The following MRPL30 variants were observed in gnomAD, a reference collection of about 807,000 sequenced individuals.
MRPL30 encodes large ribosomal subunit protein uL30m.
In MRPL30, 10 loss-of-function variants were observed where a neutral mutation model predicts 17.2. That is an observed-to-expected ratio of 0.58 (90% CI 0.36 to 0.99). The LOEUF is 0.99. Among genes scored for constraint, MRPL30 ranks in the 50% least tolerant of loss-of-function variants. The probability of loss-of-function intolerance (pLI) is 0.01; values close to 1 mark genes in which losing one functional copy is unlikely to be tolerated. For missense variants in MRPL30, 170 were observed against 189.8 expected (o/e 0.90, Z 0.61); for synonymous variants, 61 against 62.1 (o/e 0.98, Z 0.08).
chr2:99,189,543 G>A (rs1170845767), intron 3 of MRPL30, among the ~76,000 whole-genome samples: 1 of 152,104 alleles, frequency 6.6e-6, no homozygotes, highest in East Asian at 1.9e-4. Flanking sequence ...TTCATCTATG[G>A]AAAAACATCT....
At chr2:99,185,747 G>A in intron 1 of MRPL30, 1 of 443,546 alleles carries the variant, frequency 2.3e-6, no homozygotes, top group South Asian at 1.6e-5. Context: ...ACTTGGATAA[G>A]TTATTGAACT....
intron 1 of MRPL30, among the ~76,000 whole-genome samples, chr2:99,182,596 A>G (rs1239054233): frequency 9.8e-5 from 15 of 152,344 alleles, no homozygotes; most frequent in African/African-American, 3.6e-4. Flanking sequence ...CTTTGAGTCA[A>G]ACGTGGTGAC....
intron 1 of MRPL30, 137 bp from the exon 2 acceptor site, chr2:99,186,040 T>C: frequency 1.7e-6 from 1 of 602,748 alleles, no homozygotes; most frequent in South Asian, 2.2e-5. Context: ...CGTGCCCTTA[T>C]TATATTAAAA....
chr2:99,195,750 A>G lies in MRPL30; in HGVS notation c.*45A>G, dbSNP rs753925410. ...TGGAAAATGCAAATTGTTTTTATTT[A>G]AAGATGGTGAGAAAGTGTTTTCATT... On this transcript the variant is annotated 3_prime_UTR_variant, in exon 6 of 6. Transcript: ENST00000338148. 32 of 1,605,708 alleles carry G rather than the reference A, an allele frequency of 2.0e-5. No individual in the cohort carries two copies. The highest frequency in any genetic ancestry group is 2.5e-5 in the Non-Finnish European group (29 of 1,178,224).
At chr2:99,185,882 C>A (rs2093933047) in intron 1 of MRPL30, 1 of 428,476 alleles carries the variant, frequency 2.3e-6, no homozygotes, top group Non-Finnish European at 4.5e-6. Context: ...GCAAAGCATT[C>A]TTTATCTGCC....
In MRPL30 at chr2:99,191,560, A is replaced by T. The variant is rs1385680976; in HGVS notation, c.133-3191A>T. Among the ~76,000 whole-genome samples the T allele has an allele frequency of 2.6e-5, 4 of 152,170 alleles. No homozygotes were observed. In the East Asian group the frequency reaches 7.7e-4, roughly 29 times the overall value. Reference sequence around the variant, plus strand: ...GCTCAGCCTCCCTCTTCTTCACCCAACACAAATCCATCTATATTACTGCCC... The same window carrying T: ...GCTCAGCCTCCCTCTTCTTCACCCATCACAAATCCATCTATATTACTGCCC... On this transcript the variant is annotated intron_variant, in intron 3 of 5. Coordinates refer to ENST00000338148, the MANE Select transcript of MRPL30 (RefSeq NM_145212.4).
rs2093959494 is a variant in MRPL30, at chr2:99,199,103, C to T, written c.*3398C>T. ...TACCTTAAAATGAAAAGCAAAGAAACTTCCATGCGGAGATTGTCTTGTTTT... is the reference window on the plus strand; with the variant it reads ...TACCTTAAAATGAAAAGCAAAGAAATTTCCATGCGGAGATTGTCTTGTTTT... On this transcript the variant is annotated 3_prime_UTR_variant, in exon 6 of 6. Coordinates refer to ENST00000338148, the MANE Select transcript of MRPL30 (RefSeq NM_145212.4). 6.6e-6 allele frequency among the ~76,000 whole-genome samples: 1 copy of T among 152,138 alleles called. No individual in the cohort carries two copies. Among genetic ancestry groups the T allele is most frequent in the South Asian group, 2.1e-4 (1 of 4,834 alleles).
chr2:99,181,783 C>A (rs2093922763), intron 1 of MRPL30, among the ~76,000 whole-genome samples: 1 of 152,042 alleles, frequency 6.6e-6, no homozygotes, highest in South Asian at 2.1e-4. Context: ...TGCCAAGAGG[C>A]AGTAATGAGG....
chr2:99,181,250 G>T lies in MRPL30; in HGVS notation c.-28+1G>T. 2.3e-6 allele frequency: 1 copy of T among 429,206 alleles called. No homozygotes were observed. The highest frequency in any genetic ancestry group is 4.2e-6 in the Non-Finnish European group (1 of 237,820). 26.6% of individuals were successfully genotyped at this position (429,206 alleles called of 1,614,324 possible). ...CAGGCTGAAGGTTTAGCGGGTGCCG[G>T]TGAGTGGGGAATGAGTGGCGGAGAG... On this transcript the variant is annotated splice_donor_variant, in intron 1 of 5. Transcript: ENST00000338148. LOFTEE classifies it low-confidence loss of function (5UTR_SPLICE).
chr2:99,198,218 G>A lies in MRPL30; in HGVS notation c.*2513G>A, dbSNP rs1400624685. Among the ~76,000 whole-genome samples, 1 of 152,194 alleles carries A rather than the reference G, an allele frequency of 6.6e-6. No individual in the cohort carries two copies. The highest frequency in any genetic ancestry group is 1.5e-5 in the Non-Finnish European group (1 of 68,044). On this transcript the variant is annotated 3_prime_UTR_variant, in exon 6 of 6. Coordinates refer to ENST00000338148, the MANE Select transcript of MRPL30 (RefSeq NM_145212.4). ...CTGCTTAAAACAACACACACTTATT[G>A]TCTCACAATGTTTGTGGGTCGGAAG...
intron 2 of MRPL30, 36 bp downstream of exon 2, chr2:99,186,290 C>A: frequency 6.3e-7 from 1 of 1,590,374 alleles, no homozygotes; most frequent in Non-Finnish European, 8.6e-7. Flanking sequence ...TCTTTTCTAC[C>A]CCTTATGAAT....
rs2093958707 is a variant in MRPL30 at position 99,198,588 on chromosome 2, G to A, written c.*2883G>A. Among the ~76,000 whole-genome samples the A allele has an allele frequency of 6.6e-6, 1 of 152,178 alleles. No homozygotes were observed. The highest frequency in any genetic ancestry group is 1.9e-4 in the East Asian group (1 of 5,194). On this transcript the variant is annotated 3_prime_UTR_variant, in exon 6 of 6. Transcript: ENST00000338148. ...GGAATTACACAGAAGTGTGACCACA[G>A]GAGGCAGGGCTCATGGAGGCCTCCT...
chr2:99,193,241 C>G (rs1209360286), intron 3 of MRPL30, among the ~76,000 whole-genome samples: 1 of 152,164 alleles, frequency 6.6e-6, no homozygotes, highest in Admixed American at 6.5e-5. Flanking sequence ...CATCACTGAT[C>G]ATTAGAGAAA....
chr2:99,193,293 A>G (rs2093949969), intron 3 of MRPL30, among the ~76,000 whole-genome samples: 1 of 152,252 alleles, frequency 6.6e-6, no homozygotes, highest in South Asian at 2.1e-4. Context: ...CATGCCAGTC[A>G]GAGTGACGAT....
At chr2:99,194,636 A>T in intron 3 of MRPL30, 115 bp from the exon 4 acceptor site, 1 of 846,426 alleles carries the variant, frequency 1.2e-6, no homozygotes, top group Non-Finnish European at 1.8e-6. Context: ...CATGATGATT[A>T]AGGATGAGGT....
At position 99,195,497 on chromosome 2, in the gene MRPL30, A is replaced by C. The variant is rs941598113; in HGVS notation, c.354-76A>C. On this transcript the variant is annotated intron_variant, in intron 5 of 5. Coordinates refer to ENST00000338148, the MANE Select transcript of MRPL30 (RefSeq NM_145212.4). Reference sequence around the variant, plus strand: ...CTATTTGAAACTATGTGTTATTGTTAACTGTAGTTATCCTGCGGGGATATA... The same window carrying C: ...CTATTTGAAACTATGTGTTATTGTTCACTGTAGTTATCCTGCGGGGATATA... 2.7e-4 allele frequency: 397 copies of C among 1,463,442 alleles called. 2 individuals are homozygous for C. Among genetic ancestry groups the C allele is most frequent in the Non-Finnish European group, 7.6e-5 (82 of 1,085,492 alleles). The allele number at this position is 1,463,442 out of a possible 1,614,324, so 90.7% of individuals were successfully genotyped here.
In MRPL30 at chr2:99,195,743, T is replaced by C. The variant is rs771380193; in HGVS notation, c.*38T>C. The C allele has an allele frequency of 7.2e-5, 115 of 1,606,026 alleles. No homozygotes were observed. Among genetic ancestry groups the C allele is most frequent in the Non-Finnish European group, 9.1e-5 (107 of 1,178,264 alleles). On this transcript the variant is annotated 3_prime_UTR_variant, in exon 6 of 6. Coordinates refer to ENST00000338148, the MANE Select transcript of MRPL30 (RefSeq NM_145212.4). ...TTCCGATTGGAAAATGCAAATTGTTTTTATTTAAAGATGGTGAGAAAGTGT... is the reference window on the plus strand; with the variant it reads ...TTCCGATTGGAAAATGCAAATTGTTCTTATTTAAAGATGGTGAGAAAGTGT...
chr2:99,197,832 C>G lies in MRPL30; in HGVS notation c.*2127C>G, dbSNP rs1198601555. On this transcript the variant is annotated 3_prime_UTR_variant, in exon 6 of 6. Coordinates refer to ENST00000338148, the MANE Select transcript of MRPL30 (RefSeq NM_145212.4). ...GTATTTTTTAAAATTTTTTGTAGAG[C>G]CAAGTGTTGCTATGTTGTCCACACT... Among the ~76,000 whole-genome samples the G allele has an allele frequency of 1.1e-5, 1 of 92,052 alleles. No individual in the cohort carries two copies. The highest frequency in any genetic ancestry group is 2.6e-5 in the Non-Finnish European group (1 of 38,658). 60.4% of individuals were successfully genotyped at this position (92,052 alleles called of 152,430 possible).
chr2:99,187,836 AAAAAG>A (rs2093936580), intron 2 of MRPL30, among the ~76,000 whole-genome samples: 1 of 152,260 alleles, frequency 6.6e-6, no homozygotes, highest in African/African-American at 2.4e-5. Context: ...TCAAAAAAAA[AAAAAG>A]AAAAGTTTGC....
Sources: allele counts gnomAD v4.1 joint callset (sites outside exome capture counted in the v4.1 genomes callset), GRCh38; gene constraint gnomAD v4.1.1; transcripts MANE v1.5; gene names NCBI Gene and HGNC (gene_info 2026-07-23, HGNC 2026-07-21).